The following ANKLE2 variants were observed in gnomAD, a reference collection of about 807,000 sequenced individuals.
ANKLE2 encodes ankyrin repeat and LEM domain containing 2, also known as ankyrin repeat and LEM domain-containing protein 2.
Under a neutral mutation model 84.2 loss-of-function variants are expected in ANKLE2, and 55 were observed. The ratio of observed to expected loss-of-function variants is 0.65; its 90% confidence interval spans 0.53 to 0.82. The LOEUF (loss-of-function observed/expected upper bound fraction) is 0.82. Among genes scored for constraint, ANKLE2 ranks in the 40% least tolerant of loss-of-function variants. The pLI is 0.00. For missense variants in ANKLE2, 1,238 were observed against 1,201.9 expected (o/e 1.03, Z -0.44); for synonymous variants, 551 against 486.1 (o/e 1.13, Z -1.76).
intron 6 of ANKLE2, chr12:132,742,229 T>C (rs1168657903): frequency 6.5e-6 from 1 of 153,270 alleles, no homozygotes; most frequent in East Asian, 2.0e-4. Context: ...ACAAAAAGAA[T>C]CACATGTATG....
intron 1 of ANKLE2, chr12:132,755,652 C>G (rs1025240552): frequency 1.3e-5 from 2 of 151,634 alleles, no homozygotes; most frequent in Admixed American, 1.3e-4. Context: ...CCTCTACCTC[C>G]TGAGTTCAAG....
Position 132,743,188 on chromosome 12 carries a change from T to A in ANKLE2, c.1319A>T (p.Asn440Ile). 6.2e-7 allele frequency: 1 copy of A among 1,611,138 alleles called. No homozygotes were observed. The highest frequency in any genetic ancestry group is 8.5e-7 in the Non-Finnish European group (1 of 1,178,496). Residue 440 changes from asparagine to isoleucine, a missense_variant, in exon 6 of 13, where the codon AAC (asparagine) becomes ATC (isoleucine). Coordinates refer to ENST00000357997, the MANE Select transcript of ANKLE2 (RefSeq NM_015114.3). The surrounding 1 kb of genome is among the most constrained non-coding windows in gnomAD (Gnocchi z 4.1). ...VLSSHHLIVK[N>I]SRNKYDKTPE... The stretch of plus-strand genomic sequence containing the variant: ...TGTTTTATCATATTTATTCCTTGAG[T>A]TTTTTACAATCAAATGGTGTGACGA...
chr12:132,736,887 G>A lies in ANKLE2; in HGVS notation c.1593+6C>T, dbSNP rs750760155. 2 of 1,597,342 alleles carry A rather than the reference G, an allele frequency of 1.3e-6. 1 individual carries two copies. The highest frequency in any genetic ancestry group is 1.7e-6 in the Non-Finnish European group (2 of 1,168,838). On this transcript the variant is annotated splice_donor_region_variant and intron_variant, in intron 8 of 12. Transcript: ENST00000357997. ...ACCACTTCCAGAAGCTTCTACAGCA[G>A]CTCACCTTGGCTGGACTCAGGGGCC...
Position 132,728,171 on chromosome 12 carries a change from G to T in ANKLE2, c.2484-8C>A. 6.2e-7 allele frequency: 1 copy of T among 1,608,928 alleles called. No individual in the cohort carries two copies. The highest frequency in any genetic ancestry group is 1.3e-5 in the African/African-American group (1 of 74,748). On this transcript the variant is annotated splice_region_variant and splice_polypyrimidine_tract_variant and intron_variant, in intron 11 of 12. Coordinates refer to ENST00000357997, the MANE Select transcript of ANKLE2 (RefSeq NM_015114.3). Reference sequence around the variant, plus strand: ...AGTTTTGATGGCTCCTCTCTAGAAAGCACAATAAAAGAAGCAAAAACATCT... The same window carrying T: ...AGTTTTGATGGCTCCTCTCTAGAAATCACAATAAAAGAAGCAAAAACATCT...
chr12:132,751,322 C>G (rs2044352225), intron 2 of ANKLE2: 1 of 153,378 alleles, frequency 6.5e-6, no homozygotes, highest in African/African-American at 2.4e-5. Context: ...TTGGCTCTTG[C>G]AACCTCTGCC....
At chr12:132,735,109 T>C (rs1223311854) in intron 9 of ANKLE2, 2 of 435,992 alleles carry the variant, frequency 4.6e-6, no homozygotes, top group African/African-American at 4.1e-5. Context: ...CATAGCATTA[T>C]ATGGTACCTT....
At chr12:132,737,407 A>G (rs374456305) in intron 7 of ANKLE2, 10 of 195,758 alleles carry the variant, frequency 5.1e-5, no homozygotes, top group African/African-American at 2.3e-4. Context: ...AGCTTAATAC[A>G]TTTTAAAAAT....
intron 5 of ANKLE2, among the ~76,000 whole-genome samples, chr12:132,744,511 A>T (rs1432185791): frequency 6.6e-6 from 1 of 151,796 alleles, no homozygotes; most frequent in Non-Finnish European, 1.5e-5. Flanking sequence ...TCACCCGCAA[A>T]TGTCCTCCTA....
intron 1 of ANKLE2, 39 bp downstream of exon 1, chr12:132,761,579 G>A (rs910136938): frequency 8.2e-5 from 99 of 1,208,224 alleles, no homozygotes; most frequent in Non-Finnish European, 9.9e-5. Context: ...GCGGGGAAGG[G>A]GCCAGGGTGC....
At chr12:132,739,572 T>G (rs1402510458) in intron 7 of ANKLE2, among the ~76,000 whole-genome samples, 2 of 152,216 alleles carry the variant, frequency 1.3e-5, no homozygotes, top group African/African-American at 4.8e-5. Context: ...TTTGGCATAT[T>G]GATTTGAGTC....
chr12:132,731,105 T>C (rs2043835229), intron 10 of ANKLE2: 1 of 152,214 alleles, frequency 6.6e-6, no homozygotes, highest in Non-Finnish European at 1.5e-5. Flanking sequence ...AAATGTCCCG[T>C]TTGGTGTTCA....
intron 6 of ANKLE2, chr12:132,742,165 T>C (rs1447967478): frequency 4.1e-6 from 1 of 245,642 alleles, no homozygotes; most frequent in Non-Finnish European, 8.1e-6. Context: ...CAAATGCCAT[T>C]CTTATGTTGA....
intron 9 of ANKLE2, 35 bp from the exon 10 acceptor site, chr12:132,734,610 A>C: frequency 6.4e-7 from 1 of 1,571,264 alleles, no homozygotes; most frequent in Non-Finnish European, 8.6e-7. Flanking sequence ...CCAGCTGTGA[A>C]ACCAGAAAAA....
intron 1 of ANKLE2, chr12:132,758,929 G>GT (rs1566041435): frequency 1.8e-4 from 26 of 146,086 alleles, no homozygotes; most frequent in African/African-American, 6.5e-4. Flanking sequence ...GCACCCACGT[G>GT]GCAGAGTGGA....
intron 2 of ANKLE2, among the ~76,000 whole-genome samples, chr12:132,753,625 A>G (rs2044408877): frequency 6.6e-6 from 1 of 152,120 alleles, no homozygotes; most frequent in Non-Finnish European, 1.5e-5. Flanking sequence ...ATAAAAAATT[A>G]GCTGGGTATG....
Position 132,747,972 on chromosome 12 carries a change from C to T in ANKLE2, c.1090G>A (p.Ala364Thr). ...VMHVAAKENQASICQLTLDVL... is the reference protein window; with the variant it reads ...VMHVAAKENQTSICQLTLDVL... ...TCCAGAGTCAGCTGGCAGATGGAAGCCTGGTTCTCTTTGGCAGCAACATGC... is the reference window on the plus strand; with the variant it reads ...TCCAGAGTCAGCTGGCAGATGGAAGTCTGGTTCTCTTTGGCAGCAACATGC... Residue 364 changes from alanine (A) to threonine (T), a missense_variant, in exon 5 of 13, where the codon GCT becomes ACT. Transcript: ENST00000357997. 6.3e-7 allele frequency: 1 copy of T among 1,598,610 alleles called. No homozygotes were observed. The highest frequency in any genetic ancestry group is 8.5e-7 in the Non-Finnish European group (1 of 1,176,072).
intron 7 of ANKLE2, chr12:132,738,163 T>C (rs1283491552): frequency 6.8e-6 from 1 of 146,384 alleles, no homozygotes; most frequent in Non-Finnish European, 1.5e-5. Context: ...TCTTGTAGTT[T>C]ATCACAGGTG....
intron 7 of ANKLE2, 120 bp from the exon 8 acceptor site, chr12:132,737,185 CG>C (rs2044030142): frequency 9.0e-7 from 1 of 1,105,398 alleles, no homozygotes; most frequent in Admixed American, 2.9e-5. Context: ...ATCCAACAGA[CG>C]GGGCAGAGGG....
rs761325504 is a variant in ANKLE2, at chr12:132,734,407, G to A, written c.1869C>T (p.Cys623=). 6.2e-7 allele frequency: 1 copy of A among 1,614,096 alleles called. No homozygotes were observed. Among genetic ancestry groups the A allele is most frequent in the Non-Finnish European group, 8.5e-7 (1 of 1,179,988 alleles). The change falls in exon 10 of 13, where the codon TGC becomes TGT. Residue 623 remains cysteine (C), a synonymous_variant. Coordinates refer to ENST00000357997, the MANE Select transcript of ANKLE2 (RefSeq NM_015114.3). ...TACCAGACGTGGTGGCTTTATCTCG[G>A]CAGGAGGCTTCCCGTTCTCCTGTTT... is the stretch of plus-strand genomic sequence containing the variant. ...QQETGEREAS[C]RDKATTSGSN...
Sources: allele counts gnomAD v4.1 joint callset (sites outside exome capture counted in the v4.1 genomes callset), GRCh38; gene constraint gnomAD v4.1.1; non-coding constraint Gnocchi (gnomAD v3.1); transcripts MANE v1.5; gene names NCBI Gene and HGNC (gene_info 2026-07-23, HGNC 2026-07-21).